Variants in KAT8 observed in about 807,000 individuals in gnomAD.
KAT8 encodes lysine acetyltransferase 8.
A neutral mutation model predicts 62.9 loss-of-function variants in KAT8; 40 were observed. That is an observed-to-expected ratio of 0.64 (90% CI 0.49 to 0.83). The LOEUF (loss-of-function observed/expected upper bound fraction) is 0.83, where lower values mean the gene tolerates loss of function less well. KAT8 is among the 40% of genes least tolerant of loss of function. KAT8 has a pLI of 0.00. For missense variants in KAT8, 387 were observed against 614.8 expected, an observed-to-expected ratio of 0.63 and a Z score of 3.92; for synonymous variants, 278 against 254.5, an observed-to-expected ratio of 1.09 and a Z score of -0.88.
At chr16:31,128,239 G>A (rs1018991158) in intron 6 of KAT8, 100 bp downstream of exon 6, 19 of 883,718 alleles carry the variant, frequency 2.2e-5, no homozygotes, top group Non-Finnish European at 3.3e-5. Context: ...CCTTAGCTGA[G>A]CCTCTATGGG....
At chr16:31,120,112 C>T in intron 1 of KAT8, 74 bp from the exon 2 acceptor site, 1 of 1,263,818 alleles carries the variant, frequency 7.9e-7, no homozygotes. Context: ...ACTCTGGAAA[C>T]TGCTTCTCAG....
At chr16:31,125,049 G>A (rs1337327839) in intron 3 of KAT8, among the ~76,000 whole-genome samples, 1 of 151,970 alleles carries the variant, frequency 6.6e-6, no homozygotes, top group Non-Finnish European at 1.5e-5. Context: ...TAAATTAGCT[G>A]GGAATGGTAG....
rs1373498701 is a variant in KAT8 at position 31,128,110 on chromosome 16, G to A, written c.742G>A (p.Val248Met). Reference sequence around the variant, plus strand: ...GATCTACCGCAAGAGCAACATCTCCGTGTACGAAGTTGATGGCAAAGACCA... The same window carrying A: ...GATCTACCGCAAGAGCAACATCTCCATGTACGAAGTTGATGGCAAAGACCA... Reference protein sequence around the residue: ...KEIYRKSNISVYEVDGKDHKI... With the variant: ...KEIYRKSNISMYEVDGKDHKI... Residue 248 changes from valine to methionine, a missense_variant, in exon 6 of 11, where the codon GTG (valine) becomes ATG (methionine). Val to Met is a conservative substitution (Grantham distance 21, BLOSUM62 1). Coordinates refer to ENST00000219797, the MANE Select transcript of KAT8 (RefSeq NM_032188.3). The A allele has an allele frequency of 1.2e-5, 20 of 1,613,924 alleles. 1 individual carries two copies. Among genetic ancestry groups the A allele is most frequent in the South Asian group, 3.3e-5 (3 of 91,088 alleles).
At chr16:31,128,651 G>T (rs971915643) in intron 6 of KAT8, among the ~76,000 whole-genome samples, 3 of 152,234 alleles carry the variant, frequency 2.0e-5, no homozygotes, top group South Asian at 4.1e-4. Flanking sequence ...TCTTCTGCTG[G>T]TGGGGTTAGG....
chr16:31,127,906 G>A (rs573514584), intron 5 of KAT8, 144 bp from the exon 6 acceptor site: 21 of 656,056 alleles, frequency 3.2e-5, no homozygotes, highest in African/African-American at 3.0e-4. Context: ...TCCTAAGGCT[G>A]CTGGGAGGAT....
intron 3 of KAT8, among the ~76,000 whole-genome samples, chr16:31,125,025 C>T (rs1051555966): frequency 1.3e-5 from 2 of 151,800 alleles, no homozygotes; most frequent in African/African-American, 4.8e-5. Context: ...AAAATTTCAT[C>T]TCAAAAAACA....
chr16:31,119,092 G>A (rs531053581), intron 1 of KAT8, among the ~76,000 whole-genome samples: 3 of 151,962 alleles, frequency 2.0e-5, no homozygotes, highest in African/African-American at 7.2e-5. Context: ...TCAGAAAGAT[G>A]GAATAACTTG....
At chr16:31,128,769 G>C (rs550639154) in intron 6 of KAT8, among the ~76,000 whole-genome samples, 2 of 152,370 alleles carry the variant, frequency 1.3e-5, no homozygotes, top group East Asian at 3.9e-4. Flanking sequence ...TTTTGCCTGG[G>C]AGGGGACTGC....
rs779551248 is a variant in KAT8, at chr16:31,120,291, GC to G, written c.286+32del. ...TGGCTTGGCACATCTGGGCGTGGGT[GC>G]AGGGAGTTGGCTGCCCTGGCAGCAC... On this transcript the variant is annotated intron_variant, in intron 2 of 10. Coordinates refer to ENST00000219797, the MANE Select transcript of KAT8 (RefSeq NM_032188.3). 7.6e-5 allele frequency: 123 copies of G among 1,613,974 alleles called. No individual in the cohort carries two copies. In the African/African-American group the frequency reaches 1.4e-3, roughly 18 times the overall value.
rs550093917 is a variant in KAT8 at position 31,130,046 on chromosome 16, C to A, written c.801C>A (p.Ala267=). 8 of 1,614,198 alleles carry A rather than the reference C, an allele frequency of 5.0e-6. No individual in the cohort carries two copies. In the South Asian group the frequency reaches 8.8e-5, roughly 18 times the overall value. Residue 267 remains alanine, a synonymous_variant, in exon 7 of 11, where the codon GCC becomes GCA. Transcript: ENST00000219797. Reference sequence around the variant, plus strand: ...ACTGTCAGAACCTGTGTCTGCTGGCCAAGCTTTTCCTGGACCATAAGACAC... The same window carrying A: ...ACTGTCAGAACCTGTGTCTGCTGGCAAAGCTTTTCCTGGACCATAAGACAC... ...KIYCQNLCLL[A]KLFLDHKTLY... is the part of the protein sequence containing the mutation.
At chr16:31,126,820 G>A in intron 3 of KAT8, 1 of 559,100 alleles carries the variant, frequency 1.8e-6, no homozygotes, top group Non-Finnish European at 3.1e-6. Flanking sequence ...CATCAGGGAT[G>A]TCTGGGATAT....
chr16:31,122,062 T>C (rs2057498158), intron 3 of KAT8, among the ~76,000 whole-genome samples: 4 of 152,228 alleles, frequency 2.6e-5, no homozygotes, highest in Admixed American at 2.6e-4. Flanking sequence ...AGTCTCAGTT[T>C]CTAAATTTAT....
At position 31,130,106 on chromosome 16, in the gene KAT8, C is replaced by T. The variant is rs1225645245; in HGVS notation, c.861C>T (p.Ile287=). 2 of 1,611,392 alleles carry T rather than the reference C, an allele frequency of 1.2e-6. No individual in the cohort carries two copies. Among genetic ancestry groups the T allele is most frequent in the African/African-American group, 1.3e-5 (1 of 74,692 alleles). ...ACGTGGAGCCGTTCGTCTTTTACAT[C>T]CTGACTGAGGTGGACCGGCAGGGGG... ...YFDVEPFVFY[I]LTEVDRQGAH... Residue 287 remains isoleucine, a synonymous_variant, in exon 7 of 11, where the codon ATC becomes ATT. Transcript: ENST00000219797.
Position 31,118,363 on chromosome 16 carries a change from T to C in KAT8, c.211+471T>C, listed in dbSNP as rs555835227. 191 of 153,518 alleles carry C rather than the reference T, an allele frequency of 1.2e-3. 2 individuals are homozygous for C. The highest frequency in any genetic ancestry group is 8.7e-5 in the Non-Finnish European group (6 of 68,842). 9.5% of individuals were successfully genotyped at this position (153,518 alleles called of 1,614,324 possible). On this transcript the variant is annotated intron_variant, in intron 1 of 10. Transcript: ENST00000219797. ...CAAACTCCTTAGGGTGGCATTCATT[T>C]TTGTGACCTCTCCAGTTTCTAGCCA... is the stretch of plus-strand genomic sequence containing the variant.
intron 4 of KAT8, 35 bp downstream of exon 4, chr16:31,127,123 C>T (rs781160615): frequency 8.4e-5 from 136 of 1,613,818 alleles, no homozygotes; most frequent in Middle Eastern, 1.6e-4. Context: ...GCAGGTCCCC[C>T]GTCTCCCCTT....
At chr16:31,126,260 G>C (rs2057530593) in intron 3 of KAT8, 1 of 152,414 alleles carries the variant, frequency 6.6e-6, no homozygotes, top group Admixed American at 6.5e-5. Flanking sequence ...GAGGAGGCTG[G>C]GGCTGGAGGC....
At chr16:31,126,991 C>G (rs778298122) in intron 3 of KAT8, 44 bp from the exon 4 acceptor site, 1 of 1,609,310 alleles carries the variant, frequency 6.2e-7, no homozygotes, top group Admixed American at 1.7e-5. Context: ...ACAGCCTGGT[C>G]ACCACTTCTG....
In KAT8 at chr16:31,130,727, C is replaced by G; in HGVS notation, c.1158-19C>G. 6.2e-7 allele frequency: 1 copy of G among 1,613,792 alleles called. No homozygotes were observed. The highest frequency in any genetic ancestry group is 8.5e-7 in the Non-Finnish European group (1 of 1,179,690). On this transcript the variant is annotated intron_variant, in intron 9 of 10. Coordinates refer to ENST00000219797, the MANE Select transcript of KAT8 (RefSeq NM_032188.3). ...ACAAGGGCACCAGGTCTGGCATTTG[C>G]TCTCATCCCTTTTTGCAGCCAGATG...
intron 6 of KAT8, among the ~76,000 whole-genome samples, chr16:31,128,378 C>A (rs753538571): frequency 2.0e-5 from 3 of 152,110 alleles, no homozygotes; most frequent in African/African-American, 7.2e-5. Flanking sequence ...CGAAACTCCT[C>A]GACTAAAAAT....
Sources: gnomAD v4.1 joint callset for allele counts (sites outside exome capture counted in the v4.1 genomes callset) on GRCh38, gnomAD v4.1.1 for gene constraint, MANE v1.5 for transcripts, NCBI Gene and HGNC (gene_info 2026-07-23, HGNC 2026-07-21) for gene names.